Variants in ABI1 observed in about 807,000 individuals in gnomAD.
The protein encoded by ABI1 is Abelson interactor 1.
Under a neutral mutation model 54.6 loss-of-function variants are expected in ABI1, and 14 were observed. That is an observed-to-expected ratio of 0.26 (90% confidence interval 0.17 to 0.40). The LOEUF (loss-of-function observed/expected upper bound fraction) is 0.40, where lower values mean the gene tolerates loss of function less well. Among genes scored for constraint, ABI1 ranks in the 10% least tolerant of loss-of-function variants. The pLI is 1.00. For synonymous variants in ABI1, 194 were observed against 209.3 expected (o/e 0.93, Z 0.63); for missense variants, 443 against 598.3 (o/e 0.74, Z 2.71).
chr10:26,798,541 T>C (rs555664080), intron 2 of ABI1, among the ~76,000 whole-genome samples: 47 of 152,080 alleles, frequency 3.1e-4, no homozygotes, highest in Non-Finnish European at 6.0e-4. Flanking sequence ...CCTATCCACA[T>C]ATTAATTTTA....
intron 1 of ABI1, among the ~76,000 whole-genome samples, chr10:26,852,482 AAAAAT>A (rs1192538112): frequency 3.3e-5 from 5 of 152,208 alleles, no homozygotes; most frequent in Admixed American, 2.0e-4. Flanking sequence ...TCTGTCTCAA[AAAAAT>A]AAAATAAAAT....
At chr10:26,843,392 T>C (rs2049682941) in intron 1 of ABI1, among the ~76,000 whole-genome samples, 1 of 135,370 alleles carries the variant, frequency 7.4e-6, no homozygotes, top group South Asian at 2.3e-4. Context: ...AGGCGGAGGT[T>C]GTAGTGAGCT....
intron 2 of ABI1, among the ~76,000 whole-genome samples, chr10:26,795,365 T>A (rs952266951): frequency 2.0e-5 from 3 of 152,040 alleles, no homozygotes; most frequent in East Asian, 1.9e-4. Context: ...AATAAAAAAA[T>A]TTATTTAACA....
chr10:26,858,305 G>A (rs75971605), intron 1 of ABI1, among the ~76,000 whole-genome samples: 1,773 of 152,158 alleles, frequency 0.012, 10 homozygotes, highest in Non-Finnish European at 0.018. Flanking sequence ...ACCAAAGTCA[G>A]CAGCACCACC....
chr10:26,847,907 C>T (rs1343948871), intron 1 of ABI1, among the ~76,000 whole-genome samples: 2 of 151,882 alleles, frequency 1.3e-5, no homozygotes, highest in African/African-American at 2.4e-5. Flanking sequence ...GTGGCTCACA[C>T]CTGGGAGGCT....
intron 1 of ABI1, among the ~76,000 whole-genome samples, chr10:26,835,088 CAAAAAAAAAAAAAA>C (rs201431383): frequency 0.3 from 9,589 of 32,254 alleles, 463 homozygotes; most frequent in Middle Eastern, 0.49. Context: ...GATTCTACCT[CAAAAAAAAAAAAAA>C]AAAAAAAAAA....
At chr10:26,799,619 A>T (rs2133343268) in intron 2 of ABI1, among the ~76,000 whole-genome samples, 1 of 152,328 alleles carries the variant, frequency 6.6e-6, no homozygotes, top group East Asian at 1.9e-4. Flanking sequence ...ATCATTTCAG[A>T]GCTAAAACTG....
At chr10:26,755,572 G>C in intron 9 of ABI1, 83 bp downstream of exon 9, 1 of 1,085,390 alleles carries the variant, frequency 9.2e-7, no homozygotes, top group Non-Finnish European at 1.4e-6. Flanking sequence ...ATAAAAGTAA[G>C]GAAAACGATG....
intron 2 of ABI1, among the ~76,000 whole-genome samples, chr10:26,783,770 TG>T: frequency 6.6e-6 from 1 of 152,354 alleles, no homozygotes; most frequent in Non-Finnish European, 1.5e-5. Flanking sequence ...ATTTTCTTGC[TG>T]GATTTCTTTG....
At chr10:26,849,291 CT>C (rs2050219689) in intron 1 of ABI1, among the ~76,000 whole-genome samples, 1 of 152,004 alleles carries the variant, frequency 6.6e-6, no homozygotes, top group Admixed American at 6.6e-5. Flanking sequence ...TCATTGTGTT[CT>C]TTACTGCCAA....
At chr10:26,816,814 G>C (rs1408571426) in intron 2 of ABI1, among the ~76,000 whole-genome samples, 1 of 152,012 alleles carries the variant, frequency 6.6e-6, no homozygotes, top group East Asian at 1.9e-4. Flanking sequence ...TAGTAAGATT[G>C]TTTTGTATAC....
At chr10:26,770,143 G>T in intron 5 of ABI1, 102 bp downstream of exon 5, 1 of 868,636 alleles carries the variant, frequency 1.2e-6, no homozygotes, top group Non-Finnish European at 1.9e-6. Flanking sequence ...GCGTCACATA[G>T]AGAGGGTAGT....
intron 2 of ABI1, among the ~76,000 whole-genome samples, chr10:26,822,834 ATAACT>A (rs2048069763): frequency 1.3e-5 from 2 of 152,180 alleles, no homozygotes; most frequent in South Asian, 2.1e-4. Context: ...TTATGTACAA[ATAACT>A]TTACGTCAGA....
intron 1 of ABI1, among the ~76,000 whole-genome samples, chr10:26,835,118 C>T (rs1329354491): frequency 7.3e-6 from 1 of 137,402 alleles, no homozygotes; most frequent in African/African-American, 2.9e-5. Context: ...AAAAAAAACC[C>T]ACAATGCAAT....
chr10:26,757,368 C>T (rs1448732931), intron 8 of ABI1, among the ~76,000 whole-genome samples: 1 of 152,010 alleles, frequency 6.6e-6, no homozygotes, highest in Non-Finnish European at 1.5e-5. Context: ...ATAATCCACA[C>T]AAGCATTGCT....
chr10:26,758,592 C>T (rs796341895), intron 8 of ABI1, among the ~76,000 whole-genome samples: 61 of 152,218 alleles, frequency 4.0e-4, no homozygotes, highest in African/African-American at 1.4e-3. Flanking sequence ...CAGTTTTAAT[C>T]GGTTTTGAAC....
At chr10:26,788,235 T>C (rs1173071660) in intron 2 of ABI1, among the ~76,000 whole-genome samples, 1 of 152,204 alleles carries the variant, frequency 6.6e-6, no homozygotes, top group Admixed American at 6.5e-5. Flanking sequence ...CCCGGCATGA[T>C]TCTTAGGCCT....
intron 1 of ABI1, among the ~76,000 whole-genome samples, chr10:26,841,226 T>C (rs567914812): frequency 6.6e-6 from 1 of 152,342 alleles, no homozygotes; most frequent in Non-Finnish European, 1.5e-5. Context: ...ACATCAGCAC[T>C]ACCTGGTGAG....
At position 26,787,198 on chromosome 10, in the gene ABI1, A is replaced by G. The variant is rs373473081; in HGVS notation, c.286-9957T>C. Among the ~76,000 whole-genome samples, 60 of 152,214 alleles carry G rather than the reference A, an allele frequency of 3.9e-4. 1 individual carries two copies. The South Asian group carries it at 0.012, about 32-fold the overall frequency. On this transcript the variant is annotated intron_variant, in intron 2 of 10. Transcript: ENST00000376140. Reference sequence around the variant, plus strand: ...CTGGCCTTTTTCCAGTCTGCTCTCTATGGTGTAACCATGGAGATCTTTACA... The same window carrying G: ...CTGGCCTTTTTCCAGTCTGCTCTCTGTGGTGTAACCATGGAGATCTTTACA...
Sources: gnomAD v4.1 joint callset for allele counts (sites outside exome capture counted in the v4.1 genomes callset) on GRCh38, gnomAD v4.1.1 for gene constraint, MANE v1.5 for transcripts, NCBI Gene and HGNC (gene_info 2026-07-23, HGNC 2026-07-21) for gene names.